The following SYT9 variants were observed in gnomAD, a reference collection of about 807,000 sequenced individuals.
SYT9 encodes the protein synaptotagmin 9.
Under a neutral mutation model 48.4 loss-of-function variants are expected in SYT9, and 22 were observed. The observed-to-expected ratio is 0.45, with a 90% CI of 0.32 to 0.65. The LOEUF (loss-of-function observed/expected upper bound fraction) is 0.65, where lower values mean the gene tolerates loss of function less well. Among genes scored for constraint, SYT9 ranks in the 30% least tolerant of loss-of-function variants. SYT9 has a pLI of 0.03. For synonymous variants in SYT9, 265 were observed against 245.0 expected (o/e 1.08, Z -0.76); for missense variants, 577 against 622.0 (o/e 0.93, Z 0.77).
At chr11:7,326,256 G>A (rs1439999579) in intron 3 of SYT9, among the ~76,000 whole-genome samples, 41 of 35,940 alleles carry the variant, frequency 1.1e-3, no homozygotes, top group African/African-American at 4.4e-3. Flanking sequence ...ACTCTTTTTG[G>A]TTGGTAAACT....
At chr11:7,433,403 G>A (rs1418917357) in intron 6 of SYT9, among the ~76,000 whole-genome samples, 1 of 152,192 alleles carries the variant, frequency 6.6e-6, no homozygotes, top group Non-Finnish European at 1.5e-5. Context: ...TTTAAAATAT[G>A]AACATTCTGA....
intron 1 of SYT9, among the ~76,000 whole-genome samples, chr11:7,258,595 A>G (rs1419502837): frequency 6.6e-6 from 1 of 152,160 alleles, no homozygotes; most frequent in Non-Finnish European, 1.5e-5. Context: ...TCAAGATGAC[A>G]AAGTGGAATA....
chr11:7,337,636 C>G (rs1849651349), intron 3 of SYT9, among the ~76,000 whole-genome samples: 1 of 152,062 alleles, frequency 6.6e-6, no homozygotes, highest in South Asian at 2.1e-4. Context: ...TGGCTTTTGT[C>G]TTTAATTCTG....
At chr11:7,305,057 T>G (rs1013793893) in intron 2 of SYT9, among the ~76,000 whole-genome samples, 7 of 152,148 alleles carry the variant, frequency 4.6e-5, no homozygotes, top group Non-Finnish European at 1.0e-4. Flanking sequence ...ATCACAATAT[T>G]TATACTGGGA....
intron 3 of SYT9, among the ~76,000 whole-genome samples, chr11:7,413,524 G>A (rs1332053316): frequency 2.0e-5 from 3 of 152,100 alleles, no homozygotes; most frequent in Non-Finnish European, 4.4e-5. Flanking sequence ...TGTGGACCCT[G>A]GGAGGTCTCT....
chr11:7,457,653 G>A (rs72846895), intron 6 of SYT9: 47,423 of 152,020 alleles, frequency 0.31, 8,917 homozygotes, highest in African/African-American at 0.52. Flanking sequence ...GCAACTGAGA[G>A]CTAGCTCTGA....
intron 1 of SYT9, among the ~76,000 whole-genome samples, chr11:7,279,609 T>C (rs1848457490): frequency 6.6e-6 from 1 of 152,156 alleles, no homozygotes; most frequent in East Asian, 1.9e-4. Flanking sequence ...AAATGCCCCA[T>C]CCAGAATCAT....
chr11:7,358,512 G>A (rs184980381), intron 3 of SYT9, among the ~76,000 whole-genome samples: 56 of 152,260 alleles, frequency 3.7e-4, no homozygotes, highest in East Asian at 3.7e-3. Context: ...GGGCAAGCAA[G>A]TATTCTTGTC....
At chr11:7,309,729 T>TTAC (rs1228807250) in intron 2 of SYT9, among the ~76,000 whole-genome samples, 1 of 152,140 alleles carries the variant, frequency 6.6e-6, no homozygotes, top group Non-Finnish European at 1.5e-5. Flanking sequence ...CTCTTCTCCT[T>TTAC]TACGCCCCTG....
chr11:7,356,642 T>C (rs1850027997), intron 3 of SYT9, among the ~76,000 whole-genome samples: 1 of 152,230 alleles, frequency 6.6e-6, no homozygotes. Context: ...AAAGCCACTT[T>C]TTGAACCTTA....
chr11:7,265,004 G>A (rs890719507), intron 1 of SYT9, among the ~76,000 whole-genome samples: 2 of 152,062 alleles, frequency 1.3e-5, no homozygotes, highest in Non-Finnish European at 2.9e-5. Flanking sequence ...GCAGCAGGCA[G>A]TAAACTATTA....
intron 1 of SYT9, among the ~76,000 whole-genome samples, chr11:7,270,480 C>G (rs560615152): frequency 1.2e-3 from 190 of 152,094 alleles, no homozygotes; most frequent in Middle Eastern, 3.4e-3. Flanking sequence ...TAAAGCAAAC[C>G]CATTAGTGGT....
At chr11:7,301,513 C>T (rs976270512) in intron 1 of SYT9, among the ~76,000 whole-genome samples, 4 of 152,132 alleles carry the variant, frequency 2.6e-5, no homozygotes, top group Admixed American at 2.6e-4. Context: ...AGTATGTTGG[C>T]AGTGCTGTGC....
At chr11:7,459,343 G>C (rs1848202706) in intron 6 of SYT9, among the ~76,000 whole-genome samples, 1 of 152,210 alleles carries the variant, frequency 6.6e-6, no homozygotes, top group Non-Finnish European at 1.5e-5. Flanking sequence ...AAATGGTAAA[G>C]AGAAGAGGTC....
At chr11:7,361,592 T>G (rs896516608) in intron 3 of SYT9, among the ~76,000 whole-genome samples, 5 of 152,208 alleles carry the variant, frequency 3.3e-5, no homozygotes, top group Admixed American at 2.0e-4. Flanking sequence ...TTATATATTT[T>G]GTCTGCTTGG....
At chr11:7,417,255 A>G (rs1564896483) in intron 4 of SYT9, among the ~76,000 whole-genome samples, 2 of 152,138 alleles carry the variant, frequency 1.3e-5, no homozygotes, top group Non-Finnish European at 2.9e-5. Context: ...AGAGCAATGC[A>G]TGGTTATGCA....
At chr11:7,281,849 G>A (rs537892179) in intron 1 of SYT9, among the ~76,000 whole-genome samples, 66 of 152,284 alleles carry the variant, frequency 4.3e-4, no homozygotes, top group South Asian at 1.5e-3. Context: ...TGTTATGCTT[G>A]TAAGCAAATT....
chr11:7,420,210 C>G (rs563050014), intron 5 of SYT9, among the ~76,000 whole-genome samples: 1 of 152,208 alleles, frequency 6.6e-6, no homozygotes, highest in South Asian at 2.1e-4. Flanking sequence ...TACATGGAGG[C>G]CAGCCTAGAT....
chr11:7,416,652 T>C (rs1009336106), intron 4 of SYT9, among the ~76,000 whole-genome samples: 2 of 152,160 alleles, frequency 1.3e-5, no homozygotes, highest in African/African-American at 2.4e-5. Flanking sequence ...AATCTAGAGA[T>C]GATTTAAAGT....
Sources: gnomAD v4.1 joint callset for allele counts (sites outside exome capture counted in the v4.1 genomes callset) on GRCh38, gnomAD v4.1.1 for gene constraint, MANE v1.5 for transcripts, NCBI Gene and HGNC (gene_info 2026-07-23, HGNC 2026-07-21) for gene names.